DYSF: variants seen among roughly 807,000 people sequenced by gnomAD.
DYSF encodes dysferlin.
DYSF carries 212 observed loss-of-function variants against 274.9 expected under a neutral mutation model. The ratio of observed to expected loss-of-function variants is 0.77; its 90% CI spans 0.69 to 0.86. The LOEUF is 0.86. DYSF is among the 40% of genes least tolerant of loss of function. The pLI is 0.00. For missense variants in DYSF, 2,666 were observed against 2,783.2 expected (o/e 0.96, Z 0.95); for synonymous variants, 1,091 against 1,078.7 (o/e 1.01, Z -0.22).
intron 51 of DYSF, 70 bp downstream of exon 51, chr2:71,669,816 C>G: frequency 6.2e-7 from 1 of 1,602,476 alleles, no homozygotes; most frequent in Non-Finnish European, 8.5e-7. Context: ...CTGACCACCA[C>G]GTCCCTGCCT....
At chr2:71,495,019 A>G (rs1276587821) in intron 3 of DYSF, among the ~76,000 whole-genome samples, 1 of 152,204 alleles carries the variant, frequency 6.6e-6, no homozygotes, top group Non-Finnish European at 1.5e-5. Context: ...GCACAGGAAC[A>G]TGGTGAGTGG....
upstream of DYSF, among the ~76,000 whole-genome samples, chr2:71,466,236 C>T (rs1052615658): frequency 2.0e-5 from 3 of 152,320 alleles, no homozygotes; most frequent in Non-Finnish European, 4.4e-5. Context: ...GTGCACGGCA[C>T]GCTCCGCACA....
At chr2:71,563,319 G>A (rs1465690027) in intron 23 of DYSF, among the ~76,000 whole-genome samples, 1 of 152,198 alleles carries the variant, frequency 6.6e-6, no homozygotes, top group Non-Finnish European at 1.5e-5. Context: ...CGACGCATGG[G>A]CATGCTTCAC....
rs116730066 is a variant in DYSF at position 71,592,872 on chromosome 2, A to T, written c.3574+2584A>T. Among the ~76,000 whole-genome samples the T allele has an allele frequency of 1.8e-3, 279 of 152,246 alleles. 1 individual carries two copies. The highest frequency in any genetic ancestry group is 6.2e-3 in the African/African-American group (259 of 41,548). ...TCTCCCTGGTCGAATATTTGAGGAGATAGGCAGGGGTTGCCCAGAAAACAC... is the reference window on the plus strand; with the variant it reads ...TCTCCCTGGTCGAATATTTGAGGAGTTAGGCAGGGGTTGCCCAGAAAACAC... On this transcript the variant is annotated intron_variant, in intron 32 of 55. Coordinates refer to ENST00000410020, the MANE Select transcript of DYSF (RefSeq NM_001130987.2).
At chr2:71,651,233 GA>G (rs1372837190) in intron 42 of DYSF, among the ~76,000 whole-genome samples, 36 of 152,004 alleles carry the variant, frequency 2.4e-4, no homozygotes, top group African/African-American at 8.0e-4. Context: ...GAATTGAATT[GA>G]AAAAAATCAA....
chr2:71,545,180 A>G (rs1347091791), intron 17 of DYSF, among the ~76,000 whole-genome samples: 1 of 152,196 alleles, frequency 6.6e-6, no homozygotes, highest in African/African-American at 2.4e-5. Flanking sequence ...GTGATGACAT[A>G]TTCCAAGGCC....
chr2:71,511,884 G>A lies in DYSF; in HGVS notation c.423G>A (p.Glu141=). ...VPLFPPPTPL[E]PSPTLPDLDV... is the part of the protein sequence containing the mutation. ...TGTTCCCGCCCCCTACTCCTCTGGAGCCCTCCCCGACTCTGCCTGACCTGG... is the reference window on the plus strand; with the variant it reads ...TGTTCCCGCCCCCTACTCCTCTGGAACCCTCCCCGACTCTGCCTGACCTGG... Residue 141 remains glutamate, a synonymous_variant, in exon 5 of 56, where the codon GAG becomes GAA. Coordinates refer to ENST00000410020, the MANE Select transcript of DYSF (RefSeq NM_001130987.2). The A allele has an allele frequency of 6.4e-7, 1 of 1,551,422 alleles. No individual in the cohort carries two copies. Among genetic ancestry groups the A allele is most frequent in the Non-Finnish European group, 8.7e-7 (1 of 1,146,882 alleles).
Position 71,600,770 on chromosome 2 carries a change from GT to G in DYSF, c.3827del (p.Phe1276SerfsTer3), listed in dbSNP as rs1553376558. Reference sequence around the variant, plus strand: ...TGGAACGGATGCCACGGCTGGCCTGGTTCCCACTGACGAGGGGCAGCCAGCC... The same window carrying G: ...TGGAACGGATGCCACGGCTGGCCTGGTCCCACTGACGAGGGGCAGCCAGCC... Reference protein sequence around the residue: ...SLERMPRLAWFPLTRGSQPSG... With the variant: ...SLERMPRLAWXPLTRGSQPSG... On this transcript the variant is annotated frameshift_variant, in exon 34 of 56. Coordinates refer to ENST00000410020, the MANE Select transcript of DYSF (RefSeq NM_001130987.2). LOFTEE classifies it high-confidence loss of function. 1.2e-6 allele frequency: 2 copies of G among 1,613,712 alleles called. No individual in the cohort carries two copies. Among genetic ancestry groups the G allele is most frequent in the Non-Finnish European group, 1.7e-6 (2 of 1,180,034 alleles).
chr2:71,566,353 C>CAAAAAAA (rs773800974), intron 24 of DYSF, among the ~76,000 whole-genome samples: 6 of 49,788 alleles, frequency 1.2e-4, no homozygotes, highest in Admixed American at 2.4e-4. Context: ...TGGTTTCAAG[C>CAAAAAAA]AAAAAAAAAA....
chr2:71,457,272 A>G (rs1324027726), intron 1 of DYSF, among the ~76,000 whole-genome samples: 6 of 152,208 alleles, frequency 3.9e-5, no homozygotes, highest in South Asian at 2.1e-4. Flanking sequence ...CTTAGCAAGC[A>G]TATGTGGTAG....
At chr2:71,562,055 C>A in intron 23 of DYSF, 111 bp downstream of exon 23, 1 of 1,442,110 alleles carries the variant, frequency 6.9e-7, no homozygotes, top group Non-Finnish European at 9.5e-7. Flanking sequence ...GGTTCCATTG[C>A]TGGGTGACCT....
chr2:71,509,194 C>T (rs1024535351), intron 4 of DYSF, among the ~76,000 whole-genome samples: 52 of 151,610 alleles, frequency 3.4e-4, no homozygotes, highest in African/African-American at 1.2e-3. Flanking sequence ...AGACTGGTCT[C>T]ATTCTGTTGC....
Position 71,520,918 on chromosome 2 carries a change from C to G in DYSF, c.1149+14C>G. 1.2e-6 allele frequency: 2 copies of G among 1,612,864 alleles called. No homozygotes were observed. Among genetic ancestry groups the G allele is most frequent in the Non-Finnish European group, 1.7e-6 (2 of 1,178,900 alleles). ...GACGAAGCGCCTGTGAGTACATTTCCCTGGGTCTTCCTTACGGTCCCCCAC... is the reference window on the plus strand; with the variant it reads ...GACGAAGCGCCTGTGAGTACATTTCGCTGGGTCTTCCTTACGGTCCCCCAC... On this transcript the variant is annotated intron_variant, in intron 12 of 55. Coordinates refer to ENST00000410020, the MANE Select transcript of DYSF (RefSeq NM_001130987.2).
intron 12 of DYSF, among the ~76,000 whole-genome samples, chr2:71,524,418 G>A (rs994287848): frequency 6.6e-6 from 1 of 152,190 alleles, no homozygotes; most frequent in Non-Finnish European, 1.5e-5. Flanking sequence ...TTTTATGGAT[G>A]CCTGAAAGAT....
intron 41 of DYSF, among the ~76,000 whole-genome samples, chr2:71,638,710 C>T (rs1242788172): frequency 2.0e-5 from 3 of 152,184 alleles, no homozygotes; most frequent in Non-Finnish European, 4.4e-5. Flanking sequence ...GGATATATCA[C>T]ATTTTCTTTA....
intron 3 of DYSF, among the ~76,000 whole-genome samples, chr2:71,488,121 A>G (rs910508502): frequency 2.6e-5 from 4 of 152,162 alleles, no homozygotes; most frequent in African/African-American, 9.7e-5. Context: ...AAAAAAAATT[A>G]AAAATCTGTG....
At chr2:71,516,431 T>C (rs1308323639) in intron 9 of DYSF, among the ~76,000 whole-genome samples, 189 bp downstream of exon 9, 1 of 152,164 alleles carries the variant, frequency 6.6e-6, no homozygotes, top group African/African-American at 2.4e-5. Flanking sequence ...GCCTGACATA[T>C]GGATGATGTG....
chr2:71,514,971 C>CAA (rs60727651), intron 7 of DYSF, among the ~76,000 whole-genome samples: 8,711 of 138,482 alleles, frequency 0.063, 318 homozygotes, highest in African/African-American at 0.11. Flanking sequence ...ATGCAATTTA[C>CAA]AAAAAAAAAA....
intron 16 of DYSF, among the ~76,000 whole-genome samples, chr2:71,536,337 A>G (rs977878977): frequency 6.6e-6 from 1 of 152,334 alleles, no homozygotes; most frequent in Non-Finnish European, 1.5e-5. Flanking sequence ...CCAGTTCCCC[A>G]GGCCTAAAGA....
Sources: gnomAD v4.1 joint callset for allele counts (sites outside exome capture counted in the v4.1 genomes callset) on GRCh38, gnomAD v4.1.1 for gene constraint, MANE v1.5 for transcripts, NCBI Gene and HGNC (gene_info 2026-07-23, HGNC 2026-07-21) for gene names.